NPRL3: variants seen among roughly 807,000 people sequenced by gnomAD.
NPRL3 encodes GATOR1 complex protein NPRL3.
Under a neutral mutation model 57.2 loss-of-function variants are expected in NPRL3, and 23 were observed. That is an observed-to-expected ratio of 0.40 (90% CI 0.29 to 0.57). NPRL3 has a LOEUF of 0.57. NPRL3 is among the 20% of genes least tolerant of loss of function. The pLI is 0.42. For missense variants in NPRL3, 691 were observed against 767.1 expected (o/e 0.90, Z 1.17); for synonymous variants, 333 against 321.1 (o/e 1.04, Z -0.39).
At chr16:98,392 A>T in intron 8 of NPRL3, 91 bp from the exon 9 acceptor site, 1 of 1,393,344 alleles carries the variant, frequency 7.2e-7, no homozygotes, top group Non-Finnish European at 9.8e-7. Context: ...TGCACCGGGT[A>T]TGCACCAGGT....
At chr16:117,792 C>A (rs568113791) in intron 4 of NPRL3, among the ~76,000 whole-genome samples, 14 of 152,344 alleles carry the variant, frequency 9.2e-5, no homozygotes, top group African/African-American at 3.4e-4. Flanking sequence ...CTGAGCAGGG[C>A]CCAGGTGAGG....
intron 13 of NPRL3, 102 bp downstream of exon 13, chr16:88,596 C>G: frequency 9.5e-7 from 1 of 1,055,358 alleles, no homozygotes; most frequent in South Asian, 1.6e-5. Context: ...AGGGCCCCAT[C>G]TGTTCTCAGT....
At chr16:95,350 T>TATATATATATACAC (rs1223611120) in intron 9 of NPRL3, among the ~76,000 whole-genome samples, 4 of 110,990 alleles carry the variant, frequency 3.6e-5, no homozygotes, top group African/African-American at 1.1e-4. Context: ...TATATATATA[T>TATATATATATACAC]ACACACACAC....
chr16:125,335 T>C (rs1026150317), intron 3 of NPRL3, among the ~76,000 whole-genome samples: 10 of 152,196 alleles, frequency 6.6e-5, no homozygotes, highest in Non-Finnish European at 1.3e-4. Flanking sequence ...TCCTCGAAGC[T>C]GAAGCCTGAC....
intron 3 of NPRL3, among the ~76,000 whole-genome samples, chr16:120,107 G>A (rs1489862422): frequency 6.6e-6 from 1 of 152,184 alleles, no homozygotes; most frequent in Non-Finnish European, 1.5e-5. Context: ...TCAGAGTCCA[G>A]GGCTCTGAGG....
chr16:92,865 G>A (rs902123139), intron 10 of NPRL3, 140 bp from the exon 11 acceptor site: 12 of 1,100,496 alleles, frequency 1.1e-5, no homozygotes, highest in Non-Finnish European at 1.6e-5. Flanking sequence ...TATGAGGCCA[G>A]GCAGGCCTCC....
intron 7 of NPRL3, among the ~76,000 whole-genome samples, chr16:110,129 T>A (rs1171592489): frequency 6.6e-6 from 1 of 151,696 alleles, no homozygotes; most frequent in East Asian, 1.9e-4. Context: ...ACTAGCCGGG[T>A]GTGGTGGCGC....
intron 5 of NPRL3, among the ~76,000 whole-genome samples, chr16:115,327 A>T (rs997342874): frequency 4.6e-5 from 7 of 152,166 alleles, no homozygotes; most frequent in Non-Finnish European, 8.8e-5. Flanking sequence ...ACAAAAGTGT[A>T]TATTTTAAAA....
chr16:119,320 G>T, intron 3 of NPRL3, 65 bp from the exon 4 acceptor site: 1 of 1,510,068 alleles, frequency 6.6e-7, no homozygotes. Context: ...ATGCCCTGCT[G>T]GCCCCAGAGC....
At chr16:94,405 T>C (rs528676183) in intron 9 of NPRL3, among the ~76,000 whole-genome samples, 1 of 152,336 alleles carries the variant, frequency 6.6e-6, no homozygotes, top group South Asian at 2.1e-4. Flanking sequence ...CACCCCTGCC[T>C]GGACACCGTG....
intron 7 of NPRL3, among the ~76,000 whole-genome samples, chr16:104,838 C>T (rs923014895): frequency 1.3e-5 from 2 of 152,120 alleles, no homozygotes; most frequent in Non-Finnish European, 2.9e-5. Context: ...GGAAAGGTGC[C>T]GGCCCAACCT....
At chr16:98,376 C>A (rs1899116084) in intron 8 of NPRL3, 75 bp from the exon 9 acceptor site, 16 of 1,496,802 alleles carry the variant, frequency 1.1e-5, no homozygotes, top group Non-Finnish European at 1.4e-5. Flanking sequence ...GGTCCTGCAC[C>A]AGGTATGCAC....
Position 119,155 on chromosome 16 carries a change from G to C in NPRL3, c.289C>G (p.Pro97Ala), listed in dbSNP as rs775744150. ...KIDNVRFVGH[P>A]TLLQHALGQI... Reference sequence around the variant, plus strand: ...CCCAGAGCATGCTGTAGCAGTGTTGGGTGCCCAACAAATCGCACATTATCA... The same window carrying C: ...CCCAGAGCATGCTGTAGCAGTGTTGCGTGCCCAACAAATCGCACATTATCA... Residue 97 changes from proline (P) to alanine (A), a missense_variant, in exon 4 of 14, where the codon CCA becomes GCA. Physicochemically the swap from Pro to Ala is conservative, Grantham distance 27 (BLOSUM62 -1). Transcript: ENST00000611875. 27 of 1,613,404 alleles carry C rather than the reference G, an allele frequency of 1.7e-5. No individual in the cohort carries two copies. Among genetic ancestry groups the C allele is most frequent in the Non-Finnish European group, 5.9e-6 (7 of 1,179,728 alleles).
chr16:107,832 T>C (rs1899604995), intron 7 of NPRL3, among the ~76,000 whole-genome samples: 1 of 152,210 alleles, frequency 6.6e-6, no homozygotes. Context: ...CAGCTTGGTT[T>C]TTATTTTAAT....
At chr16:136,584 CG>C (rs1446815153) in intron 2 of NPRL3, among the ~76,000 whole-genome samples, 2 of 150,744 alleles carry the variant, frequency 1.3e-5, no homozygotes, top group Non-Finnish European at 2.9e-5. Context: ...CCCAGCTACT[CG>C]GGAGGCTGAG....
chr16:129,354 A>G (rs1900687593), intron 3 of NPRL3, among the ~76,000 whole-genome samples: 1 of 152,148 alleles, frequency 6.6e-6, no homozygotes, highest in African/African-American at 2.4e-5. Flanking sequence ...TTCCACCACC[A>G]CATTTAAAGG....
Position 119,208 on chromosome 16 carries a change from A to G in NPRL3, c.236T>C (p.Met79Thr). 1.2e-6 allele frequency: 2 copies of G among 1,612,026 alleles called. No homozygotes were observed. Among genetic ancestry groups the G allele is most frequent in the Non-Finnish European group, 1.7e-6 (2 of 1,178,994 alleles). Reference sequence around the variant, plus strand: ...CTTCAGTTCAAATTTTTGGCCACACATTTCAGACTTGGTTGCCAAAATTGT... The same window carrying G: ...CTTCAGTTCAAATTTTTGGCCACACGTTTCAGACTTGGTTGCCAAAATTGT... ...LATILATKSE[M>T]CGQKFELKID... The change falls in exon 4 of 14, where the codon ATG becomes ACG. Residue 79 changes from methionine (M) to threonine (T), a missense_variant. Transcript: ENST00000611875.
At chr16:123,793 G>T (rs918505152) in intron 3 of NPRL3, among the ~76,000 whole-genome samples, 1 of 140,528 alleles carries the variant, frequency 7.1e-6, no homozygotes, top group Admixed American at 7.1e-5. Context: ...CACTCCCCAC[G>T]CTGAGAAACA....
intron 7 of NPRL3, among the ~76,000 whole-genome samples, chr16:103,142 A>G (rs930150338): frequency 1.4e-5 from 2 of 147,212 alleles, no homozygotes; most frequent in South Asian, 4.3e-4. Context: ...TAAAAGGTCT[A>G]TTTTTTTTTT....
Sources: gnomAD v4.1 joint callset for allele counts (sites outside exome capture counted in the v4.1 genomes callset) on GRCh38, gnomAD v4.1.1 for gene constraint, MANE v1.5 for transcripts, NCBI Gene and HGNC (gene_info 2026-07-23, HGNC 2026-07-21) for gene names.